The following MTMR14 variants were observed in gnomAD, a reference collection of about 807,000 sequenced individuals.
MTMR14 encodes phosphatidylinositol-3,5-bisphosphate 3-phosphatase MTMR14.
In MTMR14, 48 loss-of-function variants were observed where a neutral mutation model predicts 86.3. That is an observed-to-expected ratio of 0.56 (90% CI 0.44 to 0.71). The LOEUF (loss-of-function observed/expected upper bound fraction) is 0.71, where lower values mean the gene tolerates loss of function less well. Among genes scored for constraint, MTMR14 ranks in the 30% least tolerant of loss-of-function variants. The pLI is 0.00. For missense variants in MTMR14, 780 were observed against 834.6 expected, an observed-to-expected ratio of 0.93 and a Z score of 0.81; for synonymous variants, 366 against 326.1, an observed-to-expected ratio of 1.12 and a Z score of -1.32.
chr3:9,669,574 TG>T (rs1386154104), intron 5 of MTMR14, 82 bp downstream of exon 5: 2 of 1,442,522 alleles, frequency 1.4e-6, no homozygotes, highest in African/African-American at 2.8e-5. Context: ...ATATTGTCCG[TG>T]GGTATTTGTC....
At chr3:9,652,966 G>T (rs144586350) in intron 1 of MTMR14, among the ~76,000 whole-genome samples, 1 of 152,094 alleles carries the variant, frequency 6.6e-6, no homozygotes, top group Non-Finnish European at 1.5e-5. Flanking sequence ...GCCGGGTGCC[G>T]TGGCTCACGC....
intron 17 of MTMR14, among the ~76,000 whole-genome samples, chr3:9,694,640 A>G (rs1040296730): frequency 1.3e-5 from 2 of 152,132 alleles, no homozygotes; most frequent in African/African-American, 4.8e-5. Context: ...GGCCTTAGTC[A>G]TTTGTCCGAG....
intron 17 of MTMR14, among the ~76,000 whole-genome samples, chr3:9,693,315 A>G (rs1405445368): frequency 6.6e-6 from 1 of 152,142 alleles, no homozygotes; most frequent in Non-Finnish European, 1.5e-5. Context: ...AATCGAGATG[A>G]TTTAAAGCAT....
chr3:9,679,111 C>A (rs1327465521), intron 9 of MTMR14, among the ~76,000 whole-genome samples: 2 of 152,162 alleles, frequency 1.3e-5, no homozygotes, highest in African/African-American at 4.8e-5. Flanking sequence ...GCAGCAAGGT[C>A]CATCTTGTTT....
At position 9,697,698 on chromosome 3, in the gene MTMR14, C is replaced by T. The variant is rs1388743783; in HGVS notation, c.1614-13C>T. On this transcript the variant is annotated splice_polypyrimidine_tract_variant and intron_variant, in intron 17 of 18. Transcript: ENST00000296003. ...GACTGCATCCTCTCCCCTCTCTCTC[C>T]TCTCTGCCCCAGATCAGTGGACCAT... 5.6e-6 allele frequency: 9 copies of T among 1,613,102 alleles called. No homozygotes were observed. The highest frequency in any genetic ancestry group is 1.3e-5 in the African/African-American group (1 of 75,022).
At position 9,649,717 on chromosome 3, in the gene MTMR14, A is replaced by G; in HGVS notation, c.134A>G (p.Asp45Gly). The G allele has an allele frequency of 6.2e-7, 1 of 1,613,538 alleles. No homozygotes were observed. The highest frequency in any genetic ancestry group is 8.5e-7 in the Non-Finnish European group (1 of 1,179,840). The change falls in exon 1 of 19, where the codon GAT (aspartate) becomes GGT (glycine). Residue 45 changes from aspartate to glycine, a missense_variant. Asp to Gly is a moderately conservative substitution (Grantham distance 94). Transcript: ENST00000296003. ...EFSRTQYRAK[D>G]GSGTGGSKVE... ...TCCCGGACTCAGTACCGGGCCAAGG[A>G]TGGCAGCGGGACCGGCGGCTCTAAG...
At chr3:9,667,766 T>C (rs1338815540) in intron 3 of MTMR14, among the ~76,000 whole-genome samples, 2 of 152,252 alleles carry the variant, frequency 1.3e-5, no homozygotes, top group African/African-American at 4.8e-5. Context: ...AACTCTTTGC[T>C]GTAGCAGCAA....
In MTMR14 at chr3:9,669,432, G is replaced by A. The variant is rs2048447283; in HGVS notation, c.494G>A (p.Gly165Glu). 6 of 1,613,844 alleles carry A rather than the reference G, an allele frequency of 3.7e-6. No individual in the cohort carries two copies. Among genetic ancestry groups the A allele is most frequent in the Non-Finnish European group, 5.1e-6 (6 of 1,179,924 alleles). The change falls in exon 5 of 19, where the codon GGG (glycine) becomes GAG (glutamate). Residue 165 changes from glycine (G) to glutamate (E), a missense_variant and splice_region_variant. Coordinates refer to ENST00000296003, the MANE Select transcript of MTMR14 (RefSeq NM_001077525.3). ...GRSGYNYFFSGGADDAWADVE... is the reference protein window; with the variant it reads ...GRSGYNYFFSEGADDAWADVE... ...ACTGACAGATAGGTTTCTCTGGCAG[G>A]GGGTGCAGATGATGCCTGGGCAGAT...
intron 3 of MTMR14, among the ~76,000 whole-genome samples, chr3:9,668,430 G>T (rs909853915): frequency 2.0e-5 from 3 of 152,304 alleles, no homozygotes; most frequent in African/African-American, 7.2e-5. Flanking sequence ...GGGTTTTTCA[G>T]TACCATGTCC....
intron 1 of MTMR14, among the ~76,000 whole-genome samples, chr3:9,650,090 G>C (rs2047191016): frequency 1.3e-5 from 2 of 152,058 alleles, no homozygotes; most frequent in Non-Finnish European, 2.9e-5. Flanking sequence ...GTTGTGTCAG[G>C]GAAAAAGCCC....
chr3:9,661,063 C>T (rs1485490942), intron 2 of MTMR14, among the ~76,000 whole-genome samples: 1 of 152,208 alleles, frequency 6.6e-6, no homozygotes, highest in East Asian at 1.9e-4. Flanking sequence ...ACTTACCAAG[C>T]CCAGTGCATT....
intron 3 of MTMR14, among the ~76,000 whole-genome samples, chr3:9,664,413 A>G (rs1470688954): frequency 6.6e-6 from 1 of 151,796 alleles, no homozygotes; most frequent in Non-Finnish European, 1.5e-5. Context: ...AGGGACACCA[A>G]CCTCTACCAG....
At position 9,677,189 on chromosome 3, in the gene MTMR14, C is replaced by T; in HGVS notation, c.752-128C>T. On this transcript the variant is annotated intron_variant, in intron 7 of 18. Coordinates refer to ENST00000296003, the MANE Select transcript of MTMR14 (RefSeq NM_001077525.3). The surrounding 1 kb of genome is among the most constrained non-coding windows in gnomAD (Gnocchi z 4.2). Reference sequence around the variant, plus strand: ...GTCAGCCTTGGCCTCACTGAAGCCACTAGCTTGGAGAAGTGTGAGTTGGCG... The same window carrying T: ...GTCAGCCTTGGCCTCACTGAAGCCATTAGCTTGGAGAAGTGTGAGTTGGCG... The T allele has an allele frequency of 2.5e-6, 2 of 800,062 alleles. No homozygotes were observed. Among genetic ancestry groups the T allele is most frequent in the Non-Finnish European group, 4.2e-6 (2 of 473,696 alleles). 49.6% of individuals were successfully genotyped at this position (800,062 alleles called of 1,614,324 possible). A position where few individuals can be genotyped will look rare whatever the true frequency, so the allele number is the denominator to read the frequency against.
rs779530978 is a variant in MTMR14 at position 9,697,843 on chromosome 3, G to T, written c.1746G>T (p.Pro582=). Residue 582 remains proline, a synonymous_variant, in exon 18 of 19, where the codon CCG becomes CCT. Transcript: ENST00000296003. ...ACTCCTCTCTCCCTTTCAGCTTCCC[G>T]GATGAGCTCCCTAACAGTTGTCTGT... ...HTDSSLPFSF[P]DELPNSCLLA... 60 of 1,614,068 alleles carry T rather than the reference G, an allele frequency of 3.7e-5. No individual in the cohort carries two copies. The highest frequency in any genetic ancestry group is 4.7e-5 in the Non-Finnish European group (56 of 1,180,050).
At chr3:9,690,377 G>A (rs1016668331) in intron 17 of MTMR14, among the ~76,000 whole-genome samples, 3 of 152,232 alleles carry the variant, frequency 2.0e-5, no homozygotes, top group Non-Finnish European at 4.4e-5. Flanking sequence ...CAGAAGTGCC[G>A]TGGCTGTTAT....
chr3:9,688,851 T>G lies in MTMR14; in HGVS notation c.1295-93T>G, dbSNP rs535872031. 466 of 1,611,218 alleles carry G rather than the reference T, an allele frequency of 2.9e-4. 6 individuals carry two copies. The East Asian group carries it at 9.8e-3, about 34-fold the overall frequency. On this transcript the variant is annotated intron_variant, in intron 15 of 18. Transcript: ENST00000296003. ...TTGTGCTAAGAGGTTTTTTGTTTTTTTTTTTTTCTTCCCAGTTATGTGGTA... is the reference window on the plus strand; with the variant it reads ...TTGTGCTAAGAGGTTTTTTGTTTTTGTTTTTTTCTTCCCAGTTATGTGGTA...
At chr3:9,667,797 T>C (rs1306075228) in intron 3 of MTMR14, among the ~76,000 whole-genome samples, 2 of 152,208 alleles carry the variant, frequency 1.3e-5, no homozygotes, top group Admixed American at 6.5e-5. Context: ...CCCATTATCT[T>C]ACAGGTAGAG....
Position 9,685,034 on chromosome 3 carries a change from C to T in MTMR14, c.1127+70C>T, listed in dbSNP as rs1283011019. 4.5e-6 allele frequency: 7 copies of T among 1,539,246 alleles called. No individual in the cohort carries two copies. In the African/African-American group the frequency reaches 8.2e-5, roughly 18 times the overall value. ...TCTATATGTGAGTTGTGTGGTGGCT[C>T]CCTTGACAGGGGCTGGAGGTAAGGA... is the stretch of plus-strand genomic sequence containing the variant. On this transcript the variant is annotated intron_variant, in intron 12 of 18. Transcript: ENST00000296003.
At chr3:9,690,174 A>G in intron 17 of MTMR14, 31 bp downstream of exon 17, 3 of 1,611,726 alleles carry the variant, frequency 1.9e-6, no homozygotes, top group Non-Finnish European at 2.5e-6. Context: ...TGCTGTTGGA[A>G]GTGCCTAGCT....
Sources: allele counts gnomAD v4.1 joint callset (sites outside exome capture counted in the v4.1 genomes callset), GRCh38; gene constraint gnomAD v4.1.1; non-coding constraint Gnocchi (gnomAD v3.1); transcripts MANE v1.5; gene names NCBI Gene and HGNC (gene_info 2026-07-23, HGNC 2026-07-21).